COL23A1: variants seen among roughly 807,000 people sequenced by gnomAD.
COL23A1 encodes the protein collagen alpha-1(XXIII) chain.
Under a neutral mutation model 99.3 loss-of-function variants are expected in COL23A1, and 97 were observed. The observed-to-expected ratio is 0.98, with a 90% CI of 0.83 to 1.16. The LOEUF (loss-of-function observed/expected upper bound fraction) is 1.16, where lower values mean the gene tolerates loss of function less well. Among genes scored for constraint, COL23A1 ranks in the 50% most tolerant of loss-of-function variants. The pLI is 0.00. For synonymous variants in COL23A1, 320 were observed against 308.2 expected, an observed-to-expected ratio of 1.04 and a Z score of -0.40; for missense variants, 762 against 757.4, an observed-to-expected ratio of 1.01 and a Z score of -0.07.
At chr5:178,476,356 C>T (rs682003) in intron 2 of COL23A1, among the ~76,000 whole-genome samples, 59,661 of 151,982 alleles carry the variant, frequency 0.39, 12,818 homozygotes, top group Admixed American at 0.51. Context: ...CCCAAGACCA[C>T]GCTTCTGTCT....
At chr5:178,319,887 C>CCGCCCTAT (rs59250778) in intron 2 of COL23A1, among the ~76,000 whole-genome samples, 84,563 of 151,364 alleles carry the variant, frequency 0.56, 24,385 homozygotes, top group Non-Finnish European at 0.64. Context: ...GAGGCCTCCC[C>CCGCCCTAT]CGCCCTATCT....
chr5:178,545,351 T>C (rs1385638420), intron 2 of COL23A1, among the ~76,000 whole-genome samples: 1 of 152,126 alleles, frequency 6.6e-6, no homozygotes, highest in African/African-American at 2.4e-5. Context: ...TCTAAAGACA[T>C]GACCGGACAA....
intron 2 of COL23A1, among the ~76,000 whole-genome samples, chr5:178,382,519 A>C (rs1763438598): frequency 6.6e-6 from 1 of 152,068 alleles, no homozygotes; most frequent in African/African-American, 2.4e-5. Context: ...GCGGGACCTG[A>C]GGGTAGGCGA....
At chr5:178,425,250 C>T (rs949005093) in intron 2 of COL23A1, among the ~76,000 whole-genome samples, 3 of 151,906 alleles carry the variant, frequency 2.0e-5, no homozygotes, top group East Asian at 1.9e-4. Flanking sequence ...TGGGGAAACC[C>T]GGTCTCTACT....
intron 2 of COL23A1, among the ~76,000 whole-genome samples, chr5:178,437,412 G>A (rs1035617131): frequency 6.6e-6 from 1 of 152,166 alleles, no homozygotes; most frequent in Non-Finnish European, 1.5e-5. Flanking sequence ...CCGGGTCCAG[G>A]GAGCAGGAGG....
chr5:178,566,024 A>G (rs1330692158), intron 1 of COL23A1, among the ~76,000 whole-genome samples: 6 of 152,088 alleles, frequency 3.9e-5, no homozygotes. Flanking sequence ...GATACTCAAG[A>G]GGCTGAGGCA....
At chr5:178,470,741 C>G (rs759764922) in intron 2 of COL23A1, among the ~76,000 whole-genome samples, 8 of 152,134 alleles carry the variant, frequency 5.3e-5, no homozygotes, top group Non-Finnish European at 8.8e-5. Context: ...AAGGCTCCCA[C>G]AGAATACAGT....
chr5:178,345,306 C>G, intron 2 of COL23A1: 1 of 530,650 alleles, frequency 1.9e-6, no homozygotes, highest in Non-Finnish European at 3.5e-6. Flanking sequence ...TTGAAAATCA[C>G]TTGGAGCAAT....
intron 2 of COL23A1, among the ~76,000 whole-genome samples, chr5:178,483,138 A>C (rs180680867): frequency 6.6e-6 from 1 of 152,358 alleles, no homozygotes; most frequent in African/African-American, 2.4e-5. Flanking sequence ...CCAAAATTTT[A>C]AAATGTGAAT....
chr5:178,368,536 G>A (rs1008750275), intron 2 of COL23A1, among the ~76,000 whole-genome samples: 3 of 152,182 alleles, frequency 2.0e-5, no homozygotes, highest in Non-Finnish European at 4.4e-5. Context: ...CGTAGCCACC[G>A]CTATAGTATC....
chr5:178,411,305 C>T (rs1026515189), intron 2 of COL23A1, among the ~76,000 whole-genome samples: 1 of 152,026 alleles, frequency 6.6e-6, no homozygotes, highest in Non-Finnish European at 1.5e-5. Flanking sequence ...TGTTATATAC[C>T]CCAAAGAAGT....
chr5:178,464,745 C>G (rs1425062873), intron 2 of COL23A1, among the ~76,000 whole-genome samples: 1 of 152,250 alleles, frequency 6.6e-6, no homozygotes, highest in Non-Finnish European at 1.5e-5. Context: ...CTTTAAGACA[C>G]TGCAAGCCAA....
At chr5:178,288,915 G>T (rs1757305730) in intron 4 of COL23A1, among the ~76,000 whole-genome samples, 1 of 152,118 alleles carries the variant, frequency 6.6e-6, no homozygotes, top group South Asian at 2.1e-4. Flanking sequence ...ACCCTTCCAG[G>T]TTGCAGCTTG....
At chr5:178,565,992 G>A (rs1762824067) in intron 1 of COL23A1, among the ~76,000 whole-genome samples, 1 of 151,656 alleles carries the variant, frequency 6.6e-6, no homozygotes, top group African/African-American at 2.4e-5. Context: ...GCCGGGCGTA[G>A]TGGCACACAT....
intron 1 of COL23A1, among the ~76,000 whole-genome samples, chr5:178,588,564 C>T (rs1764114563): frequency 6.6e-6 from 1 of 152,154 alleles, no homozygotes; most frequent in Admixed American, 6.5e-5. Context: ...CCAGGAGTTT[C>T]CAGCAGGGCT....
chr5:178,340,695 G>A lies in COL23A1; in HGVS notation c.362-33776C>T, dbSNP rs1760602906. Among the ~76,000 whole-genome samples, 1 of 152,236 alleles carries A rather than the reference G, an allele frequency of 6.6e-6. No homozygotes were observed. The highest frequency in any genetic ancestry group is 1.5e-5 in the Non-Finnish European group (1 of 68,036). On this transcript the variant is annotated intron_variant, in intron 2 of 28. Transcript: ENST00000390654. This position sits in a 1 kb window ranked among gnomAD's most constrained non-coding sequence, Gnocchi z 4.7. ...GGCTGATGGCAAACTGGACACCGGG[G>A]ATTCTAGTCCTCGGCCCTCCCAGGG... is the stretch of plus-strand genomic sequence containing the variant.
chr5:178,467,802 A>C (rs1370349464), intron 2 of COL23A1, among the ~76,000 whole-genome samples: 1 of 152,224 alleles, frequency 6.6e-6, no homozygotes, highest in Non-Finnish European at 1.5e-5. Flanking sequence ...CACTTGCCAA[A>C]AATAGAAAGA....
intron 1 of COL23A1, among the ~76,000 whole-genome samples, chr5:178,565,148 G>A (rs1369675020): frequency 2.6e-5 from 4 of 152,214 alleles, no homozygotes; most frequent in Non-Finnish European, 5.9e-5. Flanking sequence ...AGGCATGGGG[G>A]AACAGCAACT....
intron 2 of COL23A1, among the ~76,000 whole-genome samples, chr5:178,314,205 A>G (rs1312979676): frequency 7.3e-6 from 1 of 136,828 alleles, no homozygotes; most frequent in Non-Finnish European, 1.6e-5. Context: ...CAACAAATAC[A>G]GTTCATTCCG....
Sources: allele counts gnomAD v4.1 joint callset (sites outside exome capture counted in the v4.1 genomes callset), GRCh38; gene constraint gnomAD v4.1.1; non-coding constraint Gnocchi (gnomAD v3.1); transcripts MANE v1.5; gene names NCBI Gene and HGNC (gene_info 2026-07-23, HGNC 2026-07-21).